Variants in GMPPA observed in about 807,000 individuals in gnomAD.
GMPPA encodes GDP-mannose pyrophosphorylase A, also known as mannose-1-phosphate guanylyltransferase regulatory subunit alpha.
A neutral mutation model predicts 58.6 loss-of-function variants in GMPPA; 46 were observed. The ratio of observed to expected loss-of-function variants is 0.78; its 90% CI spans 0.62 to 1.00. GMPPA has a LOEUF of 1.00. Among genes scored for constraint, GMPPA ranks in the 50% least tolerant of loss-of-function variants. The pLI is 0.00. For missense variants in GMPPA, 468 were observed against 556.4 expected, an observed-to-expected ratio of 0.84 and a Z score of 1.60; for synonymous variants, 211 against 214.9, an observed-to-expected ratio of 0.98 and a Z score of 0.16.
chr2:219,506,298 C>T lies in GMPPA; in HGVS notation c.1038C>T (p.Thr346=), dbSNP rs34126684. ...VLHSIVGWGS[T]VGRWARVEGT... is the part of the protein sequence containing the mutation. Reference sequence around the variant, plus strand: ...ATAGCATCGTGGGCTGGGGGAGCACCGTGGGACGCTGGGCCCGCGTGGAGG... The same window carrying T: ...ATAGCATCGTGGGCTGGGGGAGCACTGTGGGACGCTGGGCCCGCGTGGAGG... The change falls in exon 12 of 13, where the codon ACC becomes ACT. Residue 346 remains threonine (T), a synonymous_variant. Coordinates refer to ENST00000313597, the MANE Select transcript of GMPPA (RefSeq NM_013335.4). 37 of 1,613,696 alleles carry T rather than the reference C, an allele frequency of 2.3e-5. 1 individual carries two copies. The highest frequency in any genetic ancestry group is 1.6e-4 in the African/African-American group (12 of 74,920).
At chr2:219,506,567 G>A in intron 12 of GMPPA, 131 bp from the exon 13 acceptor site, 2 of 998,786 alleles carry the variant, frequency 2.0e-6, no homozygotes, top group South Asian at 1.5e-5. Flanking sequence ...GGCCCTGTGT[G>A]AGTCACCGGG....
chr2:219,502,036 C>G lies in GMPPA; in HGVS notation c.428C>G (p.Thr143Arg). Residue 143 changes from threonine to arginine, a missense_variant and splice_region_variant, in exon 5 of 13, where the codon ACG (threonine) becomes AGG (arginine). Physicochemically the swap from Thr to Arg is moderately conservative, Grantham distance 71 (BLOSUM62 -1). Coordinates refer to ENST00000313597, the MANE Select transcript of GMPPA (RefSeq NM_013335.4). This position sits in a 1 kb window ranked among gnomAD's most constrained non-coding sequence, Gnocchi z 4.0. ...CACCCTTTCTTACTCCTTGGCACTA[C>G]GGTGAGGGGGTCAGGAGGGCTGGAG... Reference protein sequence around the residue: ...QRHPFLLLGTTANRTQSLNYG... With the variant: ...QRHPFLLLGTRANRTQSLNYG... 6.2e-7 allele frequency: 1 copy of G among 1,613,960 alleles called. No homozygotes were observed. The highest frequency in any genetic ancestry group is 8.5e-7 in the Non-Finnish European group (1 of 1,179,904).
chr2:219,504,664 T>C, intron 7 of GMPPA: 1 of 201,896 alleles, frequency 5.0e-6, no homozygotes, highest in Non-Finnish European at 1.0e-5. Context: ...TGTTCCCTTC[T>C]AGGGATCCTT....
intron 2 of GMPPA, 31 bp from the exon 3 acceptor site, chr2:219,500,090 G>A (rs1296254341): frequency 6.2e-7 from 1 of 1,600,486 alleles, no homozygotes; most frequent in South Asian, 1.1e-5. Flanking sequence ...GAAGGCAGGA[G>A]GCCGAAATGT....
At chr2:219,499,049 G>A (rs2125621339) in intron 1 of GMPPA, 111 bp downstream of exon 1, 1 of 152,368 alleles carries the variant, frequency 6.6e-6, no homozygotes, top group South Asian at 2.1e-4. Flanking sequence ...CCGCCCCTGT[G>A]TTGGTCCCAC....
Position 219,505,492 on chromosome 2 carries a change from C to T in GMPPA, c.790C>T (p.Arg264Ter), listed in dbSNP as rs372628288. Residue 264 changes from arginine to a stop codon, truncating the protein, a stop_gained, in exon 9 of 13, where the codon CGA becomes TGA. Coordinates refer to ENST00000313597, the MANE Select transcript of GMPPA (RefSeq NM_013335.4). LOFTEE classifies it high-confidence loss of function. ...CTACGCCTCCCGCCTCTACCTGAGC[C>T]GATACCAGGACACTCACCCAGAACG... ...ALYASRLYLS[R>*]YQDTHPERLA... is the part of the protein sequence containing the mutation. 3.4e-5 allele frequency: 54 copies of T among 1,580,116 alleles called. No homozygotes were observed. The highest frequency in any genetic ancestry group is 4.0e-5 in the Non-Finnish European group (47 of 1,162,944).
At chr2:219,506,553 GC>G in intron 12 of GMPPA, 131 bp downstream of exon 12, 1 of 1,060,564 alleles carries the variant, frequency 9.4e-7, no homozygotes, top group Non-Finnish European at 1.4e-6. Flanking sequence ...CCTGCTGTGT[GC>G]CAGGCCCTGT....
rs774786693 is a variant in GMPPA, at chr2:219,499,943, T to G, written c.-20-13T>G. 6.2e-7 allele frequency: 1 copy of G among 1,607,696 alleles called. No homozygotes were observed. Among genetic ancestry groups the G allele is most frequent in the East Asian group, 2.2e-5 (1 of 44,852 alleles). ...AGGAGATCTGAGCTTGATTTCTCTG[T>G]TGGAATTTGAAGTTTAGGTAGCAGT... On this transcript the variant is annotated splice_polypyrimidine_tract_variant and intron_variant, in intron 1 of 12. Coordinates refer to ENST00000313597, the MANE Select transcript of GMPPA (RefSeq NM_013335.4).
intron 6 of GMPPA, 43 bp from the exon 7 acceptor site, chr2:219,504,034 TGTGGCG>T (rs774305863): frequency 2.7e-4 from 434 of 1,609,132 alleles, no homozygotes; most frequent in Admixed American, 5.2e-4. Flanking sequence ...CTTAGGGGAC[TGTGGCG>T]GTAGTCCCTT....
In GMPPA at chr2:219,502,102, G is replaced by T. The variant is rs112026034; in HGVS notation, c.429+65G>T. The T allele has an allele frequency of 8.1e-4, 1,259 of 1,555,876 alleles. 3 individuals carry two copies. In the Middle Eastern group the frequency reaches 0.014, roughly 17 times the overall value. ...ATCCCAAGAGCTTCCCGGAATTCAG[G>T]GTGTTGGGGAGGCAGGGGCGCCCCG... On this transcript the variant is annotated intron_variant, in intron 5 of 12. Transcript: ENST00000313597. This position sits in a 1 kb window ranked among gnomAD's most constrained non-coding sequence, Gnocchi z 4.0.
At chr2:219,506,150 A>G in intron 11 of GMPPA, 78 bp downstream of exon 11, 5 of 1,465,306 alleles carry the variant, frequency 3.4e-6, no homozygotes, top group Non-Finnish European at 4.7e-6. Context: ...CCAAGAACAG[A>G]GAAGGGTGAA....
Position 219,502,140 on chromosome 2 carries a change from G to A in GMPPA, c.429+103G>A. ...CAGGGGCGCCCCGGGAGTTGGTGTG[G>A]GAGCTGGCGTCAGGAGGGAGATGCG... On this transcript the variant is annotated intron_variant, in intron 5 of 12. Coordinates refer to ENST00000313597, the MANE Select transcript of GMPPA (RefSeq NM_013335.4). The surrounding 1 kb of genome is among the most constrained non-coding windows in gnomAD (Gnocchi z 4.0). 8.3e-7 allele frequency: 1 copy of A among 1,199,980 alleles called. No individual in the cohort carries two copies. The highest frequency in any genetic ancestry group is 1.2e-6 in the Non-Finnish European group (1 of 829,194). 74.3% of individuals were successfully genotyped at this position (1,199,980 alleles called of 1,614,324 possible).
rs759808279 is a variant in GMPPA, at chr2:219,502,050, G to A, written c.429+13G>A. On this transcript the variant is annotated intron_variant, in intron 5 of 12. Transcript: ENST00000313597. This position sits in a 1 kb window ranked among gnomAD's most constrained non-coding sequence, Gnocchi z 4.0. ...CCTTGGCACTACGGTGAGGGGGTCA[G>A]GAGGGCTGGAGGGTGTAGAGGAGGT... 1.9e-6 allele frequency: 3 copies of A among 1,613,176 alleles called. No individual in the cohort carries two copies. In the African/African-American group the frequency reaches 4.0e-5, roughly 22 times the overall value.
chr2:219,504,462 G>T, intron 7 of GMPPA: 1 of 557,648 alleles, frequency 1.8e-6, no homozygotes, highest in South Asian at 2.3e-5. Context: ...TTTCTCCTAA[G>T]CCCTGAGTGT....
At chr2:219,504,361 A>G (rs752860459) in intron 7 of GMPPA, 148 bp downstream of exon 7, 14 of 698,028 alleles carry the variant, frequency 2.0e-5, no homozygotes, top group Non-Finnish European at 3.4e-5. Context: ...GAGCCTCCTG[A>G]GTCCCTCCCC....
chr2:219,501,310 A>C (rs1437523950), intron 3 of GMPPA, 166 bp from the exon 4 acceptor site: 2 of 623,994 alleles, frequency 3.2e-6, no homozygotes, highest in Non-Finnish European at 5.8e-6. Context: ...GACTTCCTCC[A>C]AATTCCTCAT....
At chr2:219,500,038 G>C in intron 2 of GMPPA, 23 bp downstream of exon 2, 1 of 1,612,274 alleles carries the variant, frequency 6.2e-7, no homozygotes, top group South Asian at 1.1e-5. Context: ...GGGAATGGGG[G>C]GAGGAGGTTG....
chr2:219,505,803 C>T (rs371738383), intron 10 of GMPPA, 42 bp downstream of exon 10: 6 of 1,499,072 alleles, frequency 4.0e-6, no homozygotes, highest in East Asian at 4.5e-5. Context: ...GGGTGGTGGT[C>T]GGATGGATGG....
At position 219,502,303 on chromosome 2, in the gene GMPPA, G is replaced by T; in HGVS notation, c.430-79G>T. On this transcript the variant is annotated intron_variant, in intron 5 of 12. Transcript: ENST00000313597. This position sits in a 1 kb window ranked among gnomAD's most constrained non-coding sequence, Gnocchi z 4.0. ...GCAGAGCTGCATGCCAGGTGCTGTA[G>T]CGGAGGGAAAGAAAGAAAAAACAGA... The T allele has an allele frequency of 7.9e-7, 1 of 1,273,056 alleles. No homozygotes were observed. The highest frequency in any genetic ancestry group is 1.1e-6 in the Non-Finnish European group (1 of 873,294). The allele number at this position is 1,273,056 out of a possible 1,614,324, so 78.9% of individuals were successfully genotyped here.
Sources: gnomAD v4.1 joint callset for allele counts on GRCh38, gnomAD v4.1.1 for gene constraint, Gnocchi (gnomAD v3.1) non-coding constraint, MANE v1.5 for transcripts, NCBI Gene and HGNC (gene_info 2026-07-23, HGNC 2026-07-21) for gene names.